GRM5: variants seen among roughly 807,000 people sequenced by gnomAD.
GRM5 encodes glutamate metabotropic receptor 5, also known as metabotropic glutamate receptor 5.
A neutral mutation model predicts 83.1 loss-of-function variants in GRM5; 19 were observed. That is an observed-to-expected ratio of 0.23 (90% CI 0.16 to 0.34). The LOEUF (loss-of-function observed/expected upper bound fraction) is 0.34, where lower values mean the gene tolerates loss of function less well. Among genes scored for constraint, GRM5 ranks in the 10% least tolerant of loss-of-function variants. The probability of loss-of-function intolerance (pLI) is 1.00; values close to 1 mark genes in which losing one functional copy is unlikely to be tolerated. For synonymous variants in GRM5, 675 were observed against 633.6 expected (o/e 1.07, Z -0.98); for missense variants, 1,160 against 1,588.3 (o/e 0.73, Z 4.58).
At chr11:89,060,649 A>T (rs1221399225) in intron 1 of GRM5, among the ~76,000 whole-genome samples, 11 of 152,140 alleles carry the variant, frequency 7.2e-5, no homozygotes, top group Middle Eastern at 3.2e-3. Flanking sequence ...CCTTCTGACA[A>T]AAGTTATATA....
Position 88,885,450 on chromosome 11 carries a change from GTTTTTTTTTTTTTT to G in GRM5, c.662-35309_662-35296del, listed in dbSNP as rs61456975. 1.5e-3 allele frequency among the ~76,000 whole-genome samples: 96 copies of G among 62,666 alleles called. 5 individuals carry two copies. The highest frequency in any genetic ancestry group is 3.5e-3 in the African/African-American group (59 of 16,896). The allele number at this position is 62,666 out of a possible 152,430, so 41.1% of individuals were successfully genotyped here. ...TTCTGAATTCTATAGTAGGTACCAT[GTTTTTTTTTTTTTT>G]TTTTTTTTTTTTTTTTTTTTTTGGT... On this transcript the variant is annotated intron_variant, in intron 2 of 9. Coordinates refer to ENST00000305447, the MANE Select transcript of GRM5 (RefSeq NM_001143831.3).
intron 3 of GRM5, among the ~76,000 whole-genome samples, chr11:88,842,456 T>C (rs984980365): frequency 1.3e-5 from 2 of 152,212 alleles, no homozygotes; most frequent in African/African-American, 4.8e-5. Flanking sequence ...AGCTACTTCA[T>C]TGTTAATCTG....
chr11:88,738,057 G>A (rs1941955999), intron 3 of GRM5, among the ~76,000 whole-genome samples: 3 of 109,160 alleles, frequency 2.7e-5, no homozygotes, highest in Admixed American at 2.7e-4. Flanking sequence ...CATGTATTCA[G>A]AGAGTATTTT....
intron 2 of GRM5, among the ~76,000 whole-genome samples, chr11:88,966,602 G>T (rs555257074): frequency 1.3e-5 from 2 of 152,158 alleles, no homozygotes; most frequent in East Asian, 3.9e-4. Context: ...ATTTTAGTGT[G>T]GTTATACTGT....
At chr11:88,526,952 A>G (rs1432114987) in intron 8 of GRM5, among the ~76,000 whole-genome samples, 1 of 152,160 alleles carries the variant, frequency 6.6e-6, no homozygotes, top group Non-Finnish European at 1.5e-5. Flanking sequence ...GAAATAAGAA[A>G]TACGTACACA....
intron 8 of GRM5, among the ~76,000 whole-genome samples, chr11:88,561,361 A>G (rs966758534): frequency 6.6e-6 from 1 of 152,142 alleles, no homozygotes; most frequent in Non-Finnish European, 1.5e-5. Flanking sequence ...TGGAGGCAAC[A>G]CTAATGATTC....
At chr11:88,832,404 G>C (rs1481169991) in intron 3 of GRM5, among the ~76,000 whole-genome samples, 1 of 151,974 alleles carries the variant, frequency 6.6e-6, no homozygotes, top group African/African-American at 2.4e-5. Flanking sequence ...AGTATACTTA[G>C]CCAAGGAAGC....
At chr11:88,994,860 T>C (rs1940127248) in intron 2 of GRM5, among the ~76,000 whole-genome samples, 1 of 152,122 alleles carries the variant, frequency 6.6e-6, no homozygotes, top group South Asian at 2.1e-4. Context: ...TTTAGTTATC[T>C]TAATTGTTTT....
intron 2 of GRM5, among the ~76,000 whole-genome samples, chr11:88,918,248 G>A (rs976991750): frequency 2.7e-5 from 4 of 150,616 alleles, no homozygotes; most frequent in Non-Finnish European, 4.4e-5. Flanking sequence ...TTTTATCCAA[G>A]AATAGTATAT....
intron 7 of GRM5, among the ~76,000 whole-genome samples, chr11:88,581,286 A>C (rs899319343): frequency 1.3e-5 from 2 of 152,202 alleles, no homozygotes; most frequent in Non-Finnish European, 2.9e-5. Context: ...TGAACAGTTA[A>C]TGCATACGAA....
chr11:89,045,461 A>G (rs776776786), intron 2 of GRM5, among the ~76,000 whole-genome samples: 3 of 152,212 alleles, frequency 2.0e-5, no homozygotes, highest in Non-Finnish European at 4.4e-5. Context: ...TTATATATAC[A>G]GAAATGCCCC....
At chr11:88,801,268 A>G (rs1437807719) in intron 3 of GRM5, among the ~76,000 whole-genome samples, 1 of 152,158 alleles carries the variant, frequency 6.6e-6, no homozygotes, top group Non-Finnish European at 1.5e-5. Flanking sequence ...ATTTGTTCCT[A>G]TATGTCTCCA....
chr11:88,570,803 G>C (rs1288130248), intron 7 of GRM5, among the ~76,000 whole-genome samples: 1 of 151,226 alleles, frequency 6.6e-6, no homozygotes, highest in Non-Finnish European at 1.5e-5. Flanking sequence ...CTTGCCCTGA[G>C]TGATCCACCT....
At chr11:88,798,179 A>G (rs752423948) in intron 3 of GRM5, among the ~76,000 whole-genome samples, 4 of 152,112 alleles carry the variant, frequency 2.6e-5, no homozygotes, top group Non-Finnish European at 4.4e-5. Flanking sequence ...CTTTTACCTA[A>G]TCAGTGTTGA....
intron 2 of GRM5, among the ~76,000 whole-genome samples, chr11:88,875,265 T>C (rs1326502147): frequency 6.6e-6 from 1 of 152,028 alleles, no homozygotes; most frequent in East Asian, 1.9e-4. Flanking sequence ...GCATCTTTGC[T>C]GTAGCAGATT....
chr11:88,514,299 T>G (rs58619338), intron 9 of GRM5, among the ~76,000 whole-genome samples: 3,679 of 152,302 alleles, frequency 0.024, 75 homozygotes, highest in Admixed American at 0.067. Context: ...TTTATTTGTT[T>G]CATTAGTTTT....
At chr11:88,705,024 G>C (rs1399826707) in intron 3 of GRM5, among the ~76,000 whole-genome samples, 1 of 151,980 alleles carries the variant, frequency 6.6e-6, no homozygotes, top group African/African-American at 2.4e-5. Flanking sequence ...CATAACATAT[G>C]ATTGTATATC....
chr11:88,895,817 T>A (rs1945220296), intron 2 of GRM5, among the ~76,000 whole-genome samples: 1 of 151,994 alleles, frequency 6.6e-6, no homozygotes. Context: ...AAGGTCTGTG[T>A]GATCAAATGT....
intron 4 of GRM5, among the ~76,000 whole-genome samples, chr11:88,632,335 C>T (rs1035384024): frequency 1.5e-4 from 21 of 143,612 alleles, no homozygotes; most frequent in Middle Eastern, 4.7e-3. Context: ...CAGGCTTAAG[C>T]GATCCTCCTG....
Sources: gnomAD v4.1 joint callset for allele counts (sites outside exome capture counted in the v4.1 genomes callset) on GRCh38, gnomAD v4.1.1 for gene constraint, MANE v1.5 for transcripts, NCBI Gene and HGNC (gene_info 2026-07-23, HGNC 2026-07-21) for gene names.